Variants in ZBTB42 observed in about 807,000 individuals in gnomAD.
ZBTB42 encodes zinc finger and BTB domain containing 42, also known as zinc finger and BTB domain-containing protein 42.
In ZBTB42, 3 loss-of-function variants were observed where a neutral mutation model predicts 4.7. The ratio of observed to expected loss-of-function variants is 0.64; its 90% CI spans 0.29 to 1.66. ZBTB42 has a LOEUF of 1.66. Ranked by LOEUF, ZBTB42 falls within the 40% of genes most tolerant of loss-of-function variation. The probability of loss-of-function intolerance (pLI) is 0.10; values close to 1 mark genes in which losing one functional copy is unlikely to be tolerated. For synonymous variants in ZBTB42, 255 were observed against 259.5 expected, an observed-to-expected ratio of 0.98 and a Z score of 0.17; for missense variants, 521 against 577.1, an observed-to-expected ratio of 0.90 and a Z score of 1.00.
chr14:104,802,563 T>A lies in ZBTB42; in HGVS notation c.*97T>A. 6.8e-7 allele frequency: 1 copy of A among 1,463,948 alleles called. No individual in the cohort carries two copies. The highest frequency in any genetic ancestry group is 1.4e-5 in the South Asian group (1 of 71,326). The allele number at this position is 1,463,948 out of a possible 1,614,324, so 90.7% of individuals were successfully genotyped here. A position where few individuals can be genotyped will look rare whatever the true frequency, so the allele number is the denominator to read the frequency against. ...GGTGTGAAGCCTGACCAGGTGGAGG[T>A]CCCTGCTTGGGCCAGATGGCTCCAC... On this transcript the variant is annotated 3_prime_UTR_variant, in exon 1 of 1. Coordinates refer to ENST00000342537, the MANE Select transcript of ZBTB42 (RefSeq NM_001137601.3). This position sits in a 1 kb window ranked among gnomAD's most constrained non-coding sequence, Gnocchi z 5.9.
In ZBTB42 at chr14:104,802,066, G is replaced by C. The variant is rs1055608837; in HGVS notation, c.869G>C (p.Gly290Ala). The C allele has an allele frequency of 6.7e-7, 1 of 1,503,302 alleles. No individual in the cohort carries two copies. Among genetic ancestry groups the C allele is most frequent in the Non-Finnish European group, 8.9e-7 (1 of 1,125,862 alleles). The allele number at this position is 1,503,302 out of a possible 1,614,324, so 93.1% of individuals were successfully genotyped here. A position where few individuals can be genotyped will look rare whatever the true frequency, so the allele number is the denominator to read the frequency against. The change falls in exon 1 of 1, where the codon GGT becomes GCT. Residue 290 changes from glycine (G) to alanine (A), a missense_variant. Transcript: ENST00000342537. The surrounding 1 kb of genome is among the most constrained non-coding windows in gnomAD (Gnocchi z 5.9). ...RLASEDELGP[G>A]GPLCICPLCS... ...GCGAGTGAGGACGAGCTGGGGCCTG[G>C]TGGGCCCCTCTGCATCTGCCCGTTG...
At position 104,803,876 on chromosome 14, in the gene ZBTB42, A is replaced by G. The variant is rs112957632; in HGVS notation, c.*1410A>G. On this transcript the variant is annotated 3_prime_UTR_variant, in exon 1 of 1. Coordinates refer to ENST00000342537, the MANE Select transcript of ZBTB42 (RefSeq NM_001137601.3). ...CCAGCCAAGTCTACGTTATTTTCTC[A>G]TCTCCTGACAACACTGGATGTCATA... is the stretch of plus-strand genomic sequence containing the variant. 5.8e-3 allele frequency: 959 copies of G among 166,506 alleles called. 9 individuals carry two copies. The highest frequency in any genetic ancestry group is 0.033 in the South Asian group (159 of 4,810). 10.3% of individuals were successfully genotyped at this position (166,506 alleles called of 1,614,324 possible).
In ZBTB42 at chr14:104,801,131, G is replaced by C; in HGVS notation, c.-67G>C. 1 of 1,375,976 alleles carries C rather than the reference G, an allele frequency of 7.3e-7. No individual in the cohort carries two copies. Among genetic ancestry groups the C allele is most frequent in the Non-Finnish European group, 9.3e-7 (1 of 1,070,990 alleles). The allele number at this position is 1,375,976 out of a possible 1,614,324, so 85.2% of individuals were successfully genotyped here. ...CGCGCTGCCTGCAGCCGGGAAGGGC[G>C]CTTCGTGGGCGCCTCCAGGCGCGCT... On this transcript the variant is annotated 5_prime_UTR_variant, in exon 1 of 1. Coordinates refer to ENST00000342537, the MANE Select transcript of ZBTB42 (RefSeq NM_001137601.3). This position sits in a 1 kb window ranked among gnomAD's most constrained non-coding sequence, Gnocchi z 4.4.
chr14:104,802,108 C>A lies in ZBTB42; in HGVS notation c.911C>A (p.Pro304His). The A allele has an allele frequency of 6.5e-7, 1 of 1,526,960 alleles. No homozygotes were observed. The allele number at this position is 1,526,960 out of a possible 1,614,324, so 94.6% of individuals were successfully genotyped here. The change falls in exon 1 of 1, where the codon CCC becomes CAC. Residue 304 changes from proline to histidine, a missense_variant. By Grantham distance (77) the Pro-to-His change is moderately conservative. Transcript: ENST00000342537. The surrounding 1 kb of genome is among the most constrained non-coding windows in gnomAD (Gnocchi z 5.9). ...TGCCCGTTGTGCAGCAAGCTGTTTC[C>A]CAGCTCCCACGTGCTGCAGCTGCAC... ...CICPLCSKLF[P>H]SSHVLQLHLS...
chr14:104,802,149 C>T lies in ZBTB42; in HGVS notation c.952C>T (p.Arg318Cys). ...GCAGCTGCACCTCAGTGCCCACTTC[C>T]GTGAGCGAGACAGCACCCGGGCCCG... is the stretch of plus-strand genomic sequence containing the variant. The part of the protein sequence containing the change: ...VLQLHLSAHF[R>C]ERDSTRARLS... Residue 318 changes from arginine (R) to cysteine (C), a missense_variant, in exon 1 of 1, where the codon CGT becomes TGT. Physicochemically the swap from Arg to Cys is radical, Grantham distance 180. Coordinates refer to ENST00000342537, the MANE Select transcript of ZBTB42 (RefSeq NM_001137601.3). The surrounding 1 kb of genome is among the most constrained non-coding windows in gnomAD (Gnocchi z 5.9). The T allele has an allele frequency of 6.5e-7, 1 of 1,545,812 alleles. No individual in the cohort carries two copies.
Position 104,801,469 on chromosome 14 carries a change from G to A in ZBTB42, c.272G>A (p.Arg91His). 2 of 1,550,154 alleles carry A rather than the reference G, an allele frequency of 1.3e-6. No individual in the cohort carries two copies. The highest frequency in any genetic ancestry group is 1.7e-6 in the Non-Finnish European group (2 of 1,146,886). The change falls in exon 1 of 1, where the codon CGC (arginine) becomes CAC (histidine). Residue 91 changes from arginine to histidine, a missense_variant. Transcript: ENST00000342537. The surrounding 1 kb of genome is among the most constrained non-coding windows in gnomAD (Gnocchi z 4.4). ...DFMYEGRLDL[R>H]SLPVEDVLAA... ...ATGTACGAGGGCCGCCTGGACCTGCGCAGCCTGCCTGTGGAGGACGTCCTG... is the reference window on the plus strand; with the variant it reads ...ATGTACGAGGGCCGCCTGGACCTGCACAGCCTGCCTGTGGAGGACGTCCTG...
chr14:104,802,185 G>C lies in ZBTB42; in HGVS notation c.988G>C (p.Asp330His), dbSNP rs948929093. The C allele has an allele frequency of 6.5e-7, 1 of 1,549,376 alleles. No homozygotes were observed. Among genetic ancestry groups the C allele is most frequent in the African/African-American group, 1.4e-5 (1 of 73,064 alleles). The change falls in exon 1 of 1, where the codon GAC becomes CAC. Residue 330 changes from aspartate (D) to histidine (H), a missense_variant. Transcript: ENST00000342537. This position sits in a 1 kb window ranked among gnomAD's most constrained non-coding sequence, Gnocchi z 5.9. ...CAGCACCCGGGCCCGGCTCTCACCC[G>C]ACGGCGTGGCACCCACCTGCCCGCT... ...RDSTRARLSPDGVAPTCPLCG... is the reference protein window; with the variant it reads ...RDSTRARLSPHGVAPTCPLCG...
chr14:104,804,431 A>C lies in ZBTB42; in HGVS notation c.*1965A>C, dbSNP rs1566831836. On this transcript the variant is annotated 3_prime_UTR_variant, in exon 1 of 1. Transcript: ENST00000342537. ...TCAGTTTTCATTTTATAACTGACAC[A>C]GTTGGGACAAAATATATACGTGTAC... 6.0e-6 allele frequency: 1 copy of C among 166,926 alleles called. No individual in the cohort carries two copies. Among genetic ancestry groups the C allele is most frequent in the Non-Finnish European group, 1.5e-5 (1 of 68,128 alleles). The allele number at this position is 166,926 out of a possible 1,614,324, so 10.3% of individuals were successfully genotyped here.
At position 104,803,705 on chromosome 14, in the gene ZBTB42, C is replaced by T. The variant is rs1321065784; in HGVS notation, c.*1239C>T. 4.8e-5 allele frequency: 8 copies of T among 166,876 alleles called. No homozygotes were observed. The highest frequency in any genetic ancestry group is 1.2e-4 in the African/African-American group (5 of 41,446). 10.3% of individuals were successfully genotyped at this position (166,876 alleles called of 1,614,324 possible). ...CCCCACACATGTCGTTGGTTCAGGT[C>T]GCCCTGCTTTGCCTGCCTAATGGAG... On this transcript the variant is annotated 3_prime_UTR_variant, in exon 1 of 1. Transcript: ENST00000342537.
rs1159403492 is a variant in ZBTB42 at position 104,801,860 on chromosome 14, A to C, written c.663A>C (p.Pro221=). 6.5e-7 allele frequency: 1 copy of C among 1,549,952 alleles called. No homozygotes were observed. The highest frequency in any genetic ancestry group is 1.7e-4 in the Middle Eastern group (1 of 5,992). Residue 221 remains proline, a synonymous_variant, in exon 1 of 1, where the codon CCA becomes CCC. Coordinates refer to ENST00000342537, the MANE Select transcript of ZBTB42 (RefSeq NM_001137601.3). This position sits in a 1 kb window ranked among gnomAD's most constrained non-coding sequence, Gnocchi z 4.4. The stretch of plus-strand genomic sequence containing the variant: ...GCCAGAGGCAGCCAGGGGCCCAGCC[A>C]CTGGTGAAGGACGAACGGGACTCAC... ...LCSQRQPGAQ[P]LVKDERDSLS... is the part of the protein sequence containing the mutation.
In ZBTB42 at chr14:104,803,796, T is replaced by C. The variant is rs1894109136; in HGVS notation, c.*1330T>C. 6.0e-6 allele frequency: 1 copy of C among 166,866 alleles called. No individual in the cohort carries two copies. The highest frequency in any genetic ancestry group is 6.5e-5 in the Admixed American group (1 of 15,294). The allele number at this position is 166,866 out of a possible 1,614,324, so 10.3% of individuals were successfully genotyped here. ...GCAGGTGCAGAGCCACCTGGACGCC[T>C]GGAGACCACCTGGGATGTTTCCTCT... On this transcript the variant is annotated 3_prime_UTR_variant, in exon 1 of 1. Coordinates refer to ENST00000342537, the MANE Select transcript of ZBTB42 (RefSeq NM_001137601.3).
Position 104,801,588 on chromosome 14 carries a change from G to A in ZBTB42, c.391G>A (p.Ala131Thr), listed in dbSNP as rs200434987. Residue 131 changes from alanine (A) to threonine (T), a missense_variant, in exon 1 of 1, where the codon GCC becomes ACC. Physicochemically the swap from Ala to Thr is moderately conservative, Grantham distance 58. Coordinates refer to ENST00000342537, the MANE Select transcript of ZBTB42 (RefSeq NM_001137601.3). This position sits in a 1 kb window ranked among gnomAD's most constrained non-coding sequence, Gnocchi z 4.4. The part of the protein sequence containing the change: ...KDRSLDPGNP[A>T]PGAEPAQPPC... ...TCGAAGTCTGGACCCGGGGAACCCT[G>A]CCCCTGGGGCAGAACCTGCTCAGCC... The A allele has an allele frequency of 1.6e-3, 2,513 of 1,549,826 alleles. 4 individuals are homozygous for A. The highest frequency in any genetic ancestry group is 2.1e-3 in the Non-Finnish European group (2,440 of 1,146,574).
chr14:104,804,289 T>C lies in ZBTB42; in HGVS notation c.*1823T>C, dbSNP rs1470657635. The C allele has an allele frequency of 6.0e-6, 1 of 166,878 alleles. No homozygotes were observed. Among genetic ancestry groups the C allele is most frequent in the East Asian group, 1.9e-4 (1 of 5,182 alleles). 10.3% of individuals were successfully genotyped at this position (166,878 alleles called of 1,614,324 possible). On this transcript the variant is annotated 3_prime_UTR_variant, in exon 1 of 1. Transcript: ENST00000342537. Reference sequence around the variant, plus strand: ...GTGGCCGCGGCACTGGGTCCCCCAGTGGGTCCCATGGGGGAAGAACTTCCC... The same window carrying C: ...GTGGCCGCGGCACTGGGTCCCCCAGCGGGTCCCATGGGGGAAGAACTTCCC...
rs1894056058 is a variant in ZBTB42, at chr14:104,802,019, G to A, written c.822G>A (p.Leu274=). ...LPLSGEGSRE[L]ELGAGRLASE... ...TCAGCGGAGAGGGCAGCCGGGAGCT[G>A]GAGCTTGGTGCAGGGCGACTGGCGA... The change falls in exon 1 of 1, where the codon CTG becomes CTA. Residue 274 remains leucine (L), a synonymous_variant. Coordinates refer to ENST00000342537, the MANE Select transcript of ZBTB42 (RefSeq NM_001137601.3). This position sits in a 1 kb window ranked among gnomAD's most constrained non-coding sequence, Gnocchi z 5.9. 5 of 1,494,284 alleles carry A rather than the reference G, an allele frequency of 3.3e-6. No individual in the cohort carries two copies. The highest frequency in any genetic ancestry group is 4.5e-6 in the Non-Finnish European group (5 of 1,122,064). The allele number at this position is 1,494,284 out of a possible 1,614,324, so 92.6% of individuals were successfully genotyped here. A position where few individuals can be genotyped will look rare whatever the true frequency, so the allele number is the denominator to read the frequency against.
Position 104,802,112 on chromosome 14 carries a change from C to T in ZBTB42, c.915C>T (p.Ser305=), listed in dbSNP as rs550382372. ...ICPLCSKLFP[S]SHVLQLHLSA... ...CGTTGTGCAGCAAGCTGTTTCCCAG[C>T]TCCCACGTGCTGCAGCTGCACCTCA... The change falls in exon 1 of 1, where the codon AGC becomes AGT. Residue 305 remains serine, a synonymous_variant. Coordinates refer to ENST00000342537, the MANE Select transcript of ZBTB42 (RefSeq NM_001137601.3). This position sits in a 1 kb window ranked among gnomAD's most constrained non-coding sequence, Gnocchi z 5.9. 1 of 1,528,778 alleles carries T rather than the reference C, an allele frequency of 6.5e-7. No individual in the cohort carries two copies. The allele number at this position is 1,528,778 out of a possible 1,614,324, so 94.7% of individuals were successfully genotyped here.
chr14:104,801,777 T>C lies in ZBTB42; in HGVS notation c.580T>C (p.Ser194Pro). 1 of 1,549,370 alleles carries C rather than the reference T, an allele frequency of 6.5e-7. No homozygotes were observed. Among genetic ancestry groups the C allele is most frequent in the Non-Finnish European group, 8.7e-7 (1 of 1,146,386 alleles). The change falls in exon 1 of 1, where the codon TCT (serine) becomes CCT (proline). Residue 194 changes from serine (S) to proline (P), a missense_variant. Physicochemically the swap from Ser to Pro is moderately conservative, Grantham distance 74 (BLOSUM62 -1). Transcript: ENST00000342537. This position sits in a 1 kb window ranked among gnomAD's most constrained non-coding sequence, Gnocchi z 4.4. ...SDQALDLSLK[S>P]GPRQERVHPP... ...CCAGGCCCTGGACCTGTCGTTGAAG[T>C]CTGGCCCAAGGCAGGAGCGGGTCCA...
Position 104,802,000 on chromosome 14 carries a change from G to A in ZBTB42, c.803G>A (p.Gly268Glu). The A allele has an allele frequency of 6.7e-7, 1 of 1,502,978 alleles. No individual in the cohort carries two copies. Among genetic ancestry groups the A allele is most frequent in the South Asian group, 1.3e-5 (1 of 79,814 alleles). 93.1% of individuals were successfully genotyped at this position (1,502,978 alleles called of 1,614,324 possible). Residue 268 changes from glycine (G) to glutamate (E), a missense_variant, in exon 1 of 1, where the codon GGA becomes GAA. By Grantham distance (98) the Gly-to-Glu change is moderately conservative. Coordinates refer to ENST00000342537, the MANE Select transcript of ZBTB42 (RefSeq NM_001137601.3). The surrounding 1 kb of genome is among the most constrained non-coding windows in gnomAD (Gnocchi z 4.4). ...VVGLQPLPLS[G>E]EGSRELELGA... The stretch of plus-strand genomic sequence containing the variant: ...GGCTTGCAGCCGCTGCCCCTCAGCG[G>A]AGAGGGCAGCCGGGAGCTGGAGCTT...
Position 104,802,037 on chromosome 14 carries a change from A to G in ZBTB42, c.840A>G (p.Arg280=), listed in dbSNP as rs1177722989. ...GSRELELGAG[R]LASEDELGPG... ...GGGAGCTGGAGCTTGGTGCAGGGCG[A>G]CTGGCGAGTGAGGACGAGCTGGGGC... is the stretch of plus-strand genomic sequence containing the variant. Residue 280 remains arginine (R), a synonymous_variant, in exon 1 of 1, where the codon CGA becomes CGG. Coordinates refer to ENST00000342537, the MANE Select transcript of ZBTB42 (RefSeq NM_001137601.3). This position sits in a 1 kb window ranked among gnomAD's most constrained non-coding sequence, Gnocchi z 5.9. 5 of 1,495,434 alleles carry G rather than the reference A, an allele frequency of 3.3e-6. No individual in the cohort carries two copies. The highest frequency in any genetic ancestry group is 2.7e-6 in the Non-Finnish European group (3 of 1,122,536). The allele number at this position is 1,495,434 out of a possible 1,614,324, so 92.6% of individuals were successfully genotyped here. A position where few individuals can be genotyped will look rare whatever the true frequency, so the allele number is the denominator to read the frequency against.
Position 104,801,445 on chromosome 14 carries a change from T to C in ZBTB42, c.248T>C (p.Met83Thr). 1.3e-6 allele frequency: 2 copies of C among 1,549,992 alleles called. 1 individual carries two copies. Among genetic ancestry groups the C allele is most frequent in the South Asian group, 2.4e-5 (2 of 84,066 alleles). ...APAFGRLLDF[M>T]YEGRLDLRSL... ...GCCTTCGGCCGCCTACTGGACTTCA[T>C]GTACGAGGGCCGCCTGGACCTGCGC... Residue 83 changes from methionine (M) to threonine (T), a missense_variant, in exon 1 of 1, where the codon ATG (methionine) becomes ACG (threonine). Physicochemically the swap from Met to Thr is moderately conservative, Grantham distance 81. Transcript: ENST00000342537. This position sits in a 1 kb window ranked among gnomAD's most constrained non-coding sequence, Gnocchi z 4.4.
Sources: gnomAD v4.1 joint callset for allele counts on GRCh38, gnomAD v4.1.1 for gene constraint, Gnocchi (gnomAD v3.1) non-coding constraint, MANE v1.5 for transcripts, NCBI Gene and HGNC (gene_info 2026-07-23, HGNC 2026-07-21) for gene names.